Variants in PIBF1 observed in about 807,000 individuals in gnomAD.
The protein encoded by PIBF1 is progesterone-induced-blocking factor 1.
PIBF1 carries 90 observed loss-of-function variants against 112.5 expected under a neutral mutation model. The observed-to-expected ratio is 0.80, with a 90% CI of 0.67 to 0.95. The LOEUF is 0.95. Ranked by LOEUF, PIBF1 falls within the 40% of genes least tolerant of loss-of-function variation. PIBF1 has a pLI of 0.00. For synonymous variants in PIBF1, 301 were observed against 288.6 expected, an observed-to-expected ratio of 1.04 and a Z score of -0.44; for missense variants, 915 against 852.3, an observed-to-expected ratio of 1.07 and a Z score of -0.92.
At chr13:72,962,785 A>G (rs1045396501) in intron 14 of PIBF1, among the ~76,000 whole-genome samples, 2 of 152,202 alleles carry the variant, frequency 1.3e-5, no homozygotes, top group Non-Finnish European at 2.9e-5. Flanking sequence ...AACTGATCCT[A>G]AAATTCATAT....
At chr13:72,785,400 T>C (rs886939711) in intron 2 of PIBF1, among the ~76,000 whole-genome samples, 1 of 152,188 alleles carries the variant, frequency 6.6e-6, no homozygotes, top group African/African-American at 2.4e-5. Flanking sequence ...ACAAATTAAG[T>C]GCCCAGCTAT....
Position 72,998,880 on chromosome 13 carries a change from GCTTA to G in PIBF1, c.2112_2115del (p.Leu704PhefsTer10). On this transcript the variant is annotated frameshift_variant, in exon 17 of 18. Transcript: ENST00000326291. LOFTEE classifies it high-confidence loss of function. ...ATGCATAGTAAACATTCTGAGAACAGCTTACTTCTCACTAAAACAGAACCAAAAC... is the reference window on the plus strand; with the variant it reads ...ATGCATAGTAAACATTCTGAGAACAGCTTCTCACTAAAACAGAACCAAAAC... The G allele has an allele frequency of 1.9e-6, 3 of 1,611,792 alleles. No individual in the cohort carries two copies. Among genetic ancestry groups the G allele is most frequent in the South Asian group, 1.1e-5 (1 of 90,990 alleles).
At chr13:72,972,593 G>A (rs1014949788) in intron 15 of PIBF1, among the ~76,000 whole-genome samples, 15 of 151,978 alleles carry the variant, frequency 9.9e-5, no homozygotes, top group Non-Finnish European at 1.8e-4. Flanking sequence ...GAACCCAGGA[G>A]GCAGAGGTTG....
At chr13:72,974,059 T>C (rs1210917074) in intron 16 of PIBF1, 1 of 224,776 alleles carries the variant, frequency 4.4e-6, no homozygotes, top group Non-Finnish European at 8.6e-6. Flanking sequence ...TATTTTCTTT[T>C]CTTCATTTGT....
chr13:72,906,270 T>C (rs2040701285), intron 11 of PIBF1, among the ~76,000 whole-genome samples: 1 of 152,202 alleles, frequency 6.6e-6, no homozygotes, highest in Admixed American at 6.5e-5. Flanking sequence ...GTTGGCTTTA[T>C]ATATTTGTCT....
chr13:73,015,948 A>G lies in PIBF1; in HGVS notation c.*29A>G, dbSNP rs759106034. On this transcript the variant is annotated 3_prime_UTR_variant, in exon 18 of 18. Coordinates refer to ENST00000326291, the MANE Select transcript of PIBF1 (RefSeq NM_006346.4). ...TTTGGATGGGAAGCACCTGTAGACCATTATATACTCCTGAAGTTCTTTTTC... is the reference window on the plus strand; with the variant it reads ...TTTGGATGGGAAGCACCTGTAGACCGTTATATACTCCTGAAGTTCTTTTTC... 6 of 1,436,918 alleles carry G rather than the reference A, an allele frequency of 4.2e-6. No individual in the cohort carries two copies. The African/African-American group carries it at 7.2e-5, about 17-fold the overall frequency. 89.0% of individuals were successfully genotyped at this position (1,436,918 alleles called of 1,614,324 possible). A position where few individuals can be genotyped will look rare whatever the true frequency, so the allele number is the denominator to read the frequency against.
chr13:72,909,497 C>CT (rs768847208), intron 12 of PIBF1, among the ~76,000 whole-genome samples: 16,327 of 142,816 alleles, frequency 0.11, 1,221 homozygotes, highest in Non-Finnish European at 0.17. Flanking sequence ...TTTCTTTTTT[C>CT]TTTTTTTTTT....
At chr13:72,883,826 G>A (rs2039738304) in intron 10 of PIBF1, among the ~76,000 whole-genome samples, 1 of 152,152 alleles carries the variant, frequency 6.6e-6, no homozygotes, top group Non-Finnish European at 1.5e-5. Flanking sequence ...AGGTGTGGTG[G>A]ATCACATCTG....
rs1345667276 is a variant in PIBF1, at chr13:72,916,986, T to A, written c.1640-90T>A. ...TTTCTAATGTTTTTATCCTCCCTAA[T>A]TTGTTATAACCTCCTTTATTTTCAC... On this transcript the variant is annotated intron_variant, in intron 12 of 17. Coordinates refer to ENST00000326291, the MANE Select transcript of PIBF1 (RefSeq NM_006346.4). 2.0e-5 allele frequency: 15 copies of A among 748,662 alleles called. No homozygotes were observed. The East Asian group carries it at 4.3e-4, about 21-fold the overall frequency. 46.4% of individuals were successfully genotyped at this position (748,662 alleles called of 1,614,324 possible). A position where few individuals can be genotyped will look rare whatever the true frequency, so the allele number is the denominator to read the frequency against.
intron 5 of PIBF1, among the ~76,000 whole-genome samples, chr13:72,816,352 C>T (rs918159520): frequency 5.3e-5 from 8 of 152,088 alleles, no homozygotes; most frequent in Non-Finnish European, 1.0e-4. Flanking sequence ...TTTCCTCATT[C>T]TTGAGTTTTG....
At chr13:72,941,805 A>G (rs1252806230) in intron 14 of PIBF1, among the ~76,000 whole-genome samples, 2 of 152,212 alleles carry the variant, frequency 1.3e-5, no homozygotes, top group African/African-American at 4.8e-5. Context: ...AACAAATTGC[A>G]GAATAATTTC....
intron 9 of PIBF1, among the ~76,000 whole-genome samples, chr13:72,843,704 G>T (rs936183010): frequency 1.3e-5 from 2 of 152,108 alleles, no homozygotes; most frequent in East Asian, 3.9e-4. Context: ...GAGCCACCGC[G>T]CCTGGCCTAA....
At chr13:72,867,579 C>T (rs186955542) in intron 10 of PIBF1, among the ~76,000 whole-genome samples, 2 of 152,262 alleles carry the variant, frequency 1.3e-5, no homozygotes, top group South Asian at 2.1e-4. Context: ...GATGAGTAAA[C>T]TTCACTATTA....
intron 16 of PIBF1, among the ~76,000 whole-genome samples, chr13:72,990,407 G>A: frequency 6.6e-6 from 1 of 151,236 alleles, no homozygotes; most frequent in East Asian, 1.9e-4. Flanking sequence ...TGTAGTCCCA[G>A]CTACTCAGGA....
chr13:72,928,754 C>T (rs1482687813), intron 13 of PIBF1, among the ~76,000 whole-genome samples: 1 of 152,116 alleles, frequency 6.6e-6, no homozygotes, highest in Admixed American at 6.6e-5. Context: ...TTTCTTGAGT[C>T]AGTGTTTTAT....
chr13:72,863,058 A>G (rs1398625569), intron 10 of PIBF1, among the ~76,000 whole-genome samples: 1 of 152,180 alleles, frequency 6.6e-6, no homozygotes, highest in Non-Finnish European at 1.5e-5. Flanking sequence ...GATTTCATGA[A>G]AGAATCAATA....
At chr13:72,884,216 C>T (rs915814081) in intron 10 of PIBF1, among the ~76,000 whole-genome samples, 1 of 152,184 alleles carries the variant, frequency 6.6e-6, no homozygotes, top group African/African-American at 2.4e-5. Flanking sequence ...TAAAAGCACT[C>T]AAATGTTAGA....
intron 2 of PIBF1, among the ~76,000 whole-genome samples, 164 bp from the exon 3 acceptor site, chr13:72,792,283 T>C (rs1057479835): frequency 3.3e-5 from 5 of 152,292 alleles, no homozygotes; most frequent in African/African-American, 9.6e-5. Context: ...GCAACAGCAC[T>C]TGGCCTTCCA....
At chr13:72,882,039 T>C (rs1486854315) in intron 10 of PIBF1, among the ~76,000 whole-genome samples, 1 of 152,000 alleles carries the variant, frequency 6.6e-6, no homozygotes, top group East Asian at 1.9e-4. Flanking sequence ...CTTCAAAATA[T>C]ACTACAGTGC....
Sources: allele counts gnomAD v4.1 joint callset (sites outside exome capture counted in the v4.1 genomes callset), GRCh38; gene constraint gnomAD v4.1.1; transcripts MANE v1.5; gene names NCBI Gene and HGNC (gene_info 2026-07-23, HGNC 2026-07-21).